MAP3K4: variants seen among roughly 807,000 people sequenced by gnomAD.
MAP3K4 encodes the protein MAP three kinase 1.
In MAP3K4, 67 loss-of-function variants were observed where a neutral mutation model predicts 185.6. The ratio of observed to expected loss-of-function variants is 0.36; its 90% CI spans 0.30 to 0.44. The LOEUF (loss-of-function observed/expected upper bound fraction) is 0.44. MAP3K4 is among the 20% of genes least tolerant of loss of function. The pLI is 1.00. For missense variants in MAP3K4, 1,551 were observed against 1,995.1 expected (o/e 0.78, Z 4.24); for synonymous variants, 702 against 710.4 (o/e 0.99, Z 0.19).
rs928092768 is a variant in MAP3K4, at chr6:160,992,090, G to A, written c.152+7G>A. Reference sequence around the variant, plus strand: ...AGTGCTGCTTGGCGGCGAGGTGAGTGTGGCGGCCGCAGTCGGTCGCTCGCA... The same window carrying A: ...AGTGCTGCTTGGCGGCGAGGTGAGTATGGCGGCCGCAGTCGGTCGCTCGCA... On this transcript the variant is annotated splice_region_variant and intron_variant, in intron 1 of 26. Transcript: ENST00000392142. 3.9e-6 allele frequency: 6 copies of A among 1,553,938 alleles called. No individual in the cohort carries two copies. The African/African-American group carries it at 4.3e-5, about 11-fold the overall frequency.
At chr6:161,029,258 G>A (rs149906620) in intron 1 of MAP3K4, among the ~76,000 whole-genome samples, 1 of 151,904 alleles carries the variant, frequency 6.6e-6, no homozygotes, top group East Asian at 1.9e-4. Context: ...GGTGGTGTTG[G>A]GGGGCAGGGG....
rs1318109754 is a variant in MAP3K4 at position 161,081,017 on chromosome 6, C to T, written c.2234C>T (p.Ala745Val). Reference protein sequence around the residue: ...EITHYIRGGEAQAGKLFCDIA... With the variant: ...EITHYIRGGEVQAGKLFCDIA... ...ACTCATTACATACGGGGAGGAGAAG[C>T]ACAGGCCGGGAAGCTTTTCTGGTAG... Residue 745 changes from alanine to valine, a missense_variant, in exon 6 of 27, where the codon GCA becomes GTA. By Grantham distance (64) the Ala-to-Val change is moderately conservative (BLOSUM62 0). This residue lies in a region of MAP3K4 where 130 missense variants were observed against 171.3 expected (regional missense o/e 0.76). Coordinates refer to ENST00000392142, the MANE Select transcript of MAP3K4 (RefSeq NM_005922.4). The T allele has an allele frequency of 7.4e-6, 12 of 1,614,070 alleles. No individual in the cohort carries two copies. The highest frequency in any genetic ancestry group is 1.0e-5 in the Non-Finnish European group (12 of 1,180,006).
intron 1 of MAP3K4, among the ~76,000 whole-genome samples, chr6:161,010,098 T>G (rs1419895535): frequency 6.6e-6 from 1 of 152,244 alleles, no homozygotes; most frequent in Non-Finnish European, 1.5e-5. Flanking sequence ...TTTATGTCAC[T>G]CAGCTATTTA....
chr6:161,000,440 C>T (rs74783987), intron 1 of MAP3K4, among the ~76,000 whole-genome samples: 3 of 152,106 alleles, frequency 2.0e-5, no homozygotes, highest in African/African-American at 4.8e-5. Flanking sequence ...CATTGTTACC[C>T]GAAGGCAAGA....
chr6:160,992,125 G>T, intron 1 of MAP3K4, 42 bp downstream of exon 1: 2 of 1,502,974 alleles, frequency 1.3e-6, no homozygotes, highest in Non-Finnish European at 1.8e-6. Context: ...AGAAAGCGGG[G>T]CGGGTCCTGG....
chr6:161,102,225 CTT>C (rs1777868975), intron 18 of MAP3K4, among the ~76,000 whole-genome samples: 1 of 152,172 alleles, frequency 6.6e-6, no homozygotes, highest in Admixed American at 6.5e-5. Context: ...TATAGGTCTA[CTT>C]TTGTTGCTTT....
intron 1 of MAP3K4, among the ~76,000 whole-genome samples, chr6:161,025,329 T>A (rs1349001414): frequency 6.6e-6 from 1 of 152,244 alleles, no homozygotes; most frequent in Non-Finnish European, 1.5e-5. Flanking sequence ...AGTCCCTGGA[T>A]GAACGAGCTC....
At position 161,020,382 on chromosome 6, in the gene MAP3K4, G is replaced by A. The variant is rs60747861; in HGVS notation, c.153-13877G>A. 6.6e-3 allele frequency among the ~76,000 whole-genome samples: 997 copies of A among 152,166 alleles called. 10 individuals carry two copies. Among genetic ancestry groups the A allele is most frequent in the Middle Eastern group, 0.065 (19 of 294 alleles). ...TTTTCTAAGTAAAGAGTCCTGGGCC[G>A]GGCACAGTGGCTCACGCCTGTAATC... On this transcript the variant is annotated intron_variant, in intron 1 of 26. Coordinates refer to ENST00000392142, the MANE Select transcript of MAP3K4 (RefSeq NM_005922.4).
chr6:161,052,794 T>A (rs1697711440), intron 3 of MAP3K4, among the ~76,000 whole-genome samples: 1 of 152,050 alleles, frequency 6.6e-6, no homozygotes, highest in African/African-American at 2.4e-5. Flanking sequence ...CCCAGGTTTG[T>A]TTTAGTCGTT....
rs571392602 is a variant in MAP3K4 at position 161,025,206 on chromosome 6, G to A, written c.153-9053G>A. On this transcript the variant is annotated intron_variant, in intron 1 of 26. Coordinates refer to ENST00000392142, the MANE Select transcript of MAP3K4 (RefSeq NM_005922.4). ...GTTTTTGAATATTCCTCACTTGCTG[G>A]TGATGCAGGATGCTCAGCTCAGGCT... 3.3e-5 allele frequency among the ~76,000 whole-genome samples: 5 copies of A among 152,318 alleles called. No individual in the cohort carries two copies. In the South Asian group the frequency reaches 1.0e-3, roughly 32 times the overall value.
At chr6:161,028,673 T>C (rs181364823) in intron 1 of MAP3K4, among the ~76,000 whole-genome samples, 243 of 152,170 alleles carry the variant, frequency 1.6e-3, no homozygotes, top group Non-Finnish European at 2.4e-3. Context: ...TTTTTTTAAA[T>C]CTACATTTGT....
intron 1 of MAP3K4, among the ~76,000 whole-genome samples, chr6:161,033,090 C>T (rs563220734): frequency 6.6e-6 from 1 of 152,028 alleles, no homozygotes; most frequent in South Asian, 2.1e-4. Flanking sequence ...TGGGATCATA[C>T]ATTGTAGAGT....
intron 1 of MAP3K4, among the ~76,000 whole-genome samples, chr6:160,993,470 T>C (rs561425360): frequency 6.6e-6 from 1 of 152,338 alleles, no homozygotes; most frequent in South Asian, 2.1e-4. Context: ...GGTCCTGTTA[T>C]ACTCTCTTTT....
intron 1 of MAP3K4, among the ~76,000 whole-genome samples, chr6:161,023,076 C>A (rs1055021188): frequency 6.6e-6 from 1 of 151,998 alleles, no homozygotes; most frequent in Non-Finnish European, 1.5e-5. Flanking sequence ...TGTCTTTTTC[C>A]AGCTTTATAT....
At chr6:161,058,457 A>G (rs1784339096) in intron 3 of MAP3K4, among the ~76,000 whole-genome samples, 1 of 152,214 alleles carries the variant, frequency 6.6e-6, no homozygotes, top group Non-Finnish European at 1.5e-5. Context: ...CCAGTATAGA[A>G]TCACAGAAAC....
Position 161,070,552 on chromosome 6 carries a change from G to A in MAP3K4, c.1708-56G>A, listed in dbSNP as rs537468524. On this transcript the variant is annotated intron_variant, in intron 3 of 26. Coordinates refer to ENST00000392142, the MANE Select transcript of MAP3K4 (RefSeq NM_005922.4). The surrounding 1 kb of genome is among the most constrained non-coding windows in gnomAD (Gnocchi z 4.5). ...AGAATAAGAGTTTATAACCACAACC[G>A]TAGAACGTTGTCTCGTATGCTCTTT... is the stretch of plus-strand genomic sequence containing the variant. 9.5e-5 allele frequency: 145 copies of A among 1,528,976 alleles called. No individual in the cohort carries two copies. Among genetic ancestry groups the A allele is most frequent in the East Asian group, 1.4e-4 (6 of 44,194 alleles). 94.7% of individuals were successfully genotyped at this position (1,528,976 alleles called of 1,614,324 possible).
At chr6:160,998,208 T>C (rs1781095381) in intron 1 of MAP3K4, among the ~76,000 whole-genome samples, 1 of 152,136 alleles carries the variant, frequency 6.6e-6, no homozygotes, top group Non-Finnish European at 1.5e-5. Flanking sequence ...TCCCTATTTT[T>C]CTCCTGATTT....
Position 161,077,001 on chromosome 6 carries a change from G to A in MAP3K4, c.2097+3389G>A, listed in dbSNP as rs892387419. Among the ~76,000 whole-genome samples the A allele has an allele frequency of 5.9e-5, 9 of 152,176 alleles. No homozygotes were observed. Among genetic ancestry groups the A allele is most frequent in the Non-Finnish European group, 1.0e-4 (7 of 68,040 alleles). ...ACTGGTTAATTCGATTCAACTTTTT[G>A]TGGAGGTCAGGCTTCTCTGAGGGGG... On this transcript the variant is annotated intron_variant, in intron 5 of 26. Transcript: ENST00000392142. This position sits in a 1 kb window ranked among gnomAD's most constrained non-coding sequence, Gnocchi z 4.3.
In MAP3K4 at chr6:161,091,629, GAT is replaced by G. The variant is rs1416063695; in HGVS notation, c.3135+92_3135+93del. 16 of 1,108,624 alleles carry G rather than the reference GAT, an allele frequency of 1.4e-5. No homozygotes were observed. The highest frequency in any genetic ancestry group is 2.1e-5 in the Non-Finnish European group (16 of 758,130). The allele number at this position is 1,108,624 out of a possible 1,614,324, so 68.7% of individuals were successfully genotyped here. A position where few individuals can be genotyped will look rare whatever the true frequency, so the allele number is the denominator to read the frequency against. ...TTTTGGAACCTTTTACAGTAAATCT[GAT>G]ATTGTAATCATAGCTTAATCAAGAA... is the stretch of plus-strand genomic sequence containing the variant. On this transcript the variant is annotated intron_variant, in intron 12 of 26. Transcript: ENST00000392142. The surrounding 1 kb of genome is among the most constrained non-coding windows in gnomAD (Gnocchi z 5.5).
Sources: gnomAD v4.1 joint callset for allele counts (sites outside exome capture counted in the v4.1 genomes callset) on GRCh38, gnomAD v4.1.1 for gene constraint, gnomAD v4.1.1 regional missense constraint, Gnocchi (gnomAD v3.1) non-coding constraint, MANE v1.5 for transcripts, NCBI Gene and HGNC (gene_info 2026-07-23, HGNC 2026-07-21) for gene names.